The following PINX1 variants were observed in gnomAD, a reference collection of about 807,000 sequenced individuals.
PINX1 encodes the protein PIN2/TERF1-interacting telomerase inhibitor 1.
PINX1 carries 34 observed loss-of-function variants against 25.4 expected under a neutral mutation model. That is an observed-to-expected ratio of 1.34 (90% CI 1.02 to 1.78). PINX1 has a LOEUF of 1.78. Ranked by LOEUF, PINX1 falls within the 40% of genes most tolerant of loss-of-function variation. The probability of loss-of-function intolerance (pLI) is 0.00; values close to 1 mark genes in which losing one functional copy is unlikely to be tolerated. For missense variants in PINX1, 592 were observed against 404.9 expected (o/e 1.46, Z -3.97); for synonymous variants, 197 against 147.7 (o/e 1.33, Z -2.42).
intron 3 of PINX1, among the ~76,000 whole-genome samples, chr8:10,832,461 T>C (rs1798251630): frequency 6.6e-6 from 1 of 152,184 alleles, no homozygotes. Flanking sequence ...AATAAGTATA[T>C]CTGTGTTATC....
intron 6 of PINX1, among the ~76,000 whole-genome samples, chr8:10,776,324 C>T (rs1047430982): frequency 4.6e-5 from 7 of 151,972 alleles, no homozygotes; most frequent in Non-Finnish European, 8.8e-5. Flanking sequence ...ACTTGGGAGG[C>T]TGAGACAGGA....
intron 6 of PINX1, among the ~76,000 whole-genome samples, chr8:10,811,410 C>T (rs1018868398): frequency 6.6e-6 from 1 of 152,134 alleles, no homozygotes; most frequent in East Asian, 1.9e-4. Flanking sequence ...ATATTTGATA[C>T]CAGGTATCAA....
intron 6 of PINX1, among the ~76,000 whole-genome samples, chr8:10,771,612 A>G (rs944836048): frequency 1.3e-5 from 2 of 152,208 alleles, no homozygotes; most frequent in Non-Finnish European, 2.9e-5. Flanking sequence ...TAAGTGCTCA[A>G]CAAAGGCACA....
At chr8:10,790,231 T>C (rs1415231637) in intron 6 of PINX1, among the ~76,000 whole-genome samples, 1 of 152,142 alleles carries the variant, frequency 6.6e-6, no homozygotes, top group African/African-American at 2.4e-5. Context: ...TAAAAAAGTC[T>C]TCCAGCACAG....
intron 2 of PINX1, chr8:10,834,417 GA>G: frequency 1.5e-5 from 7 of 463,174 alleles, no homozygotes; most frequent in South Asian, 3.2e-5. Flanking sequence ...AATGGAAAGG[GA>G]AAAAGCGTGT....
rs548579833 is a variant in PINX1 at position 10,828,178 on chromosome 8, G to T, written c.302-1934C>A. On this transcript the variant is annotated intron_variant, in intron 4 of 6. Coordinates refer to ENST00000314787, the MANE Select transcript of PINX1 (RefSeq NM_017884.6). ...CAGCACGGGCTCATTATTTCCACAA[G>T]CTGAAACATTCTCTTCTGCAGCCAC... Among the ~76,000 whole-genome samples, 5 of 152,302 alleles carry T rather than the reference G, an allele frequency of 3.3e-5. No homozygotes were observed. In the East Asian group the frequency reaches 9.7e-4, roughly 29 times the overall value.
At chr8:10,766,931 T>C (rs1801069258) in intron 6 of PINX1, among the ~76,000 whole-genome samples, 1 of 152,130 alleles carries the variant, frequency 6.6e-6, no homozygotes, top group Non-Finnish European at 1.5e-5. Flanking sequence ...AGGCAGGAAG[T>C]GCTTTCGGGT....
chr8:10,822,550 G>C (rs1563231884), intron 5 of PINX1, among the ~76,000 whole-genome samples: 1 of 152,150 alleles, frequency 6.6e-6, no homozygotes, highest in Non-Finnish European at 1.5e-5. Flanking sequence ...ACTCTATTTA[G>C]GTTTGCTTTA....
At chr8:10,833,468 G>C (rs1798288414) in intron 2 of PINX1, 1 of 155,894 alleles carries the variant, frequency 6.4e-6, no homozygotes. Flanking sequence ...GGGAGGAAGG[G>C]AGGCAGCTGA....
At position 10,826,150 on chromosome 8, in the gene PINX1, A is replaced by C. The variant is rs751899834; in HGVS notation, c.394+2T>G. On this transcript the variant is annotated splice_donor_variant, in intron 5 of 6. Coordinates refer to ENST00000314787, the MANE Select transcript of PINX1 (RefSeq NM_017884.6). LOFTEE classifies it high-confidence loss of function. ...AACAAGTAAAGAAATGCTTAATCTT[A>C]CCTTTTGTGAATTTCATATAGTGAA... 1.3e-6 allele frequency: 2 copies of C among 1,497,826 alleles called. No individual in the cohort carries two copies. The highest frequency in any genetic ancestry group is 4.5e-5 in the East Asian group (2 of 44,298). 92.8% of individuals were successfully genotyped at this position (1,497,826 alleles called of 1,614,324 possible).
At position 10,831,627 on chromosome 8, in the gene PINX1, T is replaced by C. The variant is rs1391166589; in HGVS notation, c.301+38A>G. 3.2e-6 allele frequency: 4 copies of C among 1,261,490 alleles called. No homozygotes were observed. The African/African-American group carries it at 4.4e-5, about 14-fold the overall frequency. 78.1% of individuals were successfully genotyped at this position (1,261,490 alleles called of 1,614,324 possible). Reference sequence around the variant, plus strand: ...GCAAAAAACAAAAAGTAGATAAACATATTTGCATTGAGAACTTATGTCATC... The same window carrying C: ...GCAAAAAACAAAAAGTAGATAAACACATTTGCATTGAGAACTTATGTCATC... On this transcript the variant is annotated intron_variant, in intron 4 of 6. Transcript: ENST00000314787.
At chr8:10,809,263 G>C (rs770816584) in intron 6 of PINX1, among the ~76,000 whole-genome samples, 6 of 152,160 alleles carry the variant, frequency 3.9e-5, no homozygotes, top group Non-Finnish European at 7.3e-5. Context: ...AGTGGCTGGA[G>C]GGAAGATCCT....
chr8:10,809,261 G>A (rs1802550368), intron 6 of PINX1, among the ~76,000 whole-genome samples: 1 of 152,186 alleles, frequency 6.6e-6, no homozygotes, highest in Admixed American at 6.5e-5. Context: ...CAAGTGGCTG[G>A]AGGGAAGATC....
intron 6 of PINX1, among the ~76,000 whole-genome samples, chr8:10,816,367 T>C (rs1465938732): frequency 6.6e-6 from 1 of 152,176 alleles, no homozygotes; most frequent in Non-Finnish European, 1.5e-5. Flanking sequence ...TCATGACTAT[T>C]AATCAAGGGC....
At chr8:10,831,632 G>T (rs7004998) in intron 4 of PINX1, 33 bp downstream of exon 4, 446,985 of 1,318,668 alleles carry the variant, frequency 0.34, 81,296 homozygotes, top group African/African-American at 0.66. Flanking sequence ...AAACATATTT[G>T]CATTGAGAAC....
At chr8:10,797,018 G>A (rs762167309) in intron 6 of PINX1, among the ~76,000 whole-genome samples, 1 of 152,136 alleles carries the variant, frequency 6.6e-6, no homozygotes, top group South Asian at 2.1e-4. Context: ...CCAAGCAGAA[G>A]AAACAGCCCC....
intron 4 of PINX1, 76 bp downstream of exon 4, chr8:10,831,589 A>G: frequency 3.4e-6 from 3 of 884,198 alleles, no homozygotes. Flanking sequence ...TGTGTCAACT[A>G]AAAATAATAA....
intron 6 of PINX1, among the ~76,000 whole-genome samples, chr8:10,789,875 C>G (rs762443161): frequency 6.6e-6 from 1 of 152,140 alleles, no homozygotes; most frequent in Non-Finnish European, 1.5e-5. Context: ...TCCTAATGTA[C>G]TATGTACAGG....
At chr8:10,825,565 G>A (rs1798010991) in intron 5 of PINX1, 3 of 447,880 alleles carry the variant, frequency 6.7e-6, no homozygotes, top group African/African-American at 2.0e-5. Context: ...ATACTGGGAA[G>A]GGGCTAGGGA....
Sources: allele counts gnomAD v4.1 joint callset (sites outside exome capture counted in the v4.1 genomes callset), GRCh38; gene constraint gnomAD v4.1.1; transcripts MANE v1.5; gene names NCBI Gene and HGNC (gene_info 2026-07-23, HGNC 2026-07-21).